The following PDE7A variants were observed in gnomAD, a reference collection of about 807,000 sequenced individuals.
PDE7A encodes the protein high affinity 3',5'-cyclic-AMP phosphodiesterase 7A.
PDE7A carries 39 observed loss-of-function variants against 64.3 expected under a neutral mutation model. The ratio of observed to expected loss-of-function variants is 0.61; its 90% CI spans 0.47 to 0.79. PDE7A has a LOEUF of 0.79. PDE7A is among the 30% of genes least tolerant of loss of function. PDE7A has a pLI of 0.00. For missense variants in PDE7A, 470 were observed against 582.8 expected (o/e 0.81, Z 1.99); for synonymous variants, 203 against 206.8 (o/e 0.98, Z 0.16).
At chr8:65,797,863 A>G (rs1809879798) in intron 1 of PDE7A, among the ~76,000 whole-genome samples, 1 of 151,818 alleles carries the variant, frequency 6.6e-6, no homozygotes, top group Non-Finnish European at 1.5e-5. Flanking sequence ...AAAATTAAAA[A>G]TGAATTATAT....
intron 7 of PDE7A, chr8:65,727,621 C>A: frequency 4.8e-6 from 1 of 207,034 alleles, no homozygotes. Context: ...GAAATAATGG[C>A]TTTAAAATGA....
intron 1 of PDE7A, among the ~76,000 whole-genome samples, chr8:65,834,149 G>C (rs1463373483): frequency 6.6e-6 from 1 of 152,020 alleles, no homozygotes; most frequent in Non-Finnish European, 1.5e-5. Context: ...AAGAAAACTT[G>C]CAAAGCATCA....
chr8:65,759,701 T>C (rs1158275082), intron 3 of PDE7A, among the ~76,000 whole-genome samples: 3 of 152,132 alleles, frequency 2.0e-5, no homozygotes, highest in Admixed American at 6.5e-5. Flanking sequence ...CATTCACCCC[T>C]TTCTTTTAAA....
chr8:65,795,981 T>A (rs1809831926), intron 1 of PDE7A, among the ~76,000 whole-genome samples: 1 of 151,868 alleles, frequency 6.6e-6, no homozygotes, highest in Admixed American at 6.6e-5. Flanking sequence ...GGATCATCTA[T>A]AGCTGAAAAA....
intron 3 of PDE7A, among the ~76,000 whole-genome samples, chr8:65,758,378 A>C (rs10216810): frequency 0.12 from 18,206 of 152,170 alleles, 1,947 homozygotes; most frequent in East Asian, 0.5. Context: ...GGTAAGGGGG[A>C]AAAAATGTTT....
intron 1 of PDE7A, among the ~76,000 whole-genome samples, chr8:65,802,899 A>G (rs1331723330): frequency 2.0e-5 from 3 of 152,114 alleles, no homozygotes; most frequent in Non-Finnish European, 2.9e-5. Context: ...ATAAGTGAGC[A>G]TTCTGGGTTC....
intron 1 of PDE7A, among the ~76,000 whole-genome samples, chr8:65,814,154 G>A (rs538317762): frequency 1.8e-4 from 28 of 152,140 alleles, no homozygotes; most frequent in African/African-American, 6.7e-4. Context: ...CTATTATACT[G>A]ATATAAAGAT....
At chr8:65,822,963 A>ATC (rs1810579328) in intron 1 of PDE7A, among the ~76,000 whole-genome samples, 1 of 152,136 alleles carries the variant, frequency 6.6e-6, no homozygotes, top group Non-Finnish European at 1.5e-5. Flanking sequence ...CTATCTATCT[A>ATC]TATACACAAA....
chr8:65,811,470 G>A (rs1054940592), intron 1 of PDE7A, among the ~76,000 whole-genome samples: 3 of 152,194 alleles, frequency 2.0e-5, no homozygotes, highest in Non-Finnish European at 2.9e-5. Flanking sequence ...CCAACCCAAC[G>A]AGAAGCCAGA....
In PDE7A at chr8:65,782,523, C is replaced by T. The variant is rs80127653; in HGVS notation, c.199+260G>A. ...AAGACTATTTTCTATGAAGAATGTTCAAGATGCAATTCGAAACTGTGTACT... is the reference window on the plus strand; with the variant it reads ...AAGACTATTTTCTATGAAGAATGTTTAAGATGCAATTCGAAACTGTGTACT... On this transcript the variant is annotated intron_variant, in intron 2 of 12. Transcript: ENST00000401827. Among the ~76,000 whole-genome samples, 109 of 152,284 alleles carry T rather than the reference C, an allele frequency of 7.2e-4. No individual in the cohort carries two copies. The East Asian group carries it at 0.019, about 27-fold the overall frequency.
intron 1 of PDE7A, among the ~76,000 whole-genome samples, chr8:65,817,280 C>A (rs780405071): frequency 6.6e-6 from 1 of 152,182 alleles, no homozygotes; most frequent in Non-Finnish European, 1.5e-5. Context: ...TCTTACATAA[C>A]TGTGTTATAC....
chr8:65,748,696 T>A (rs1420398571), intron 3 of PDE7A, among the ~76,000 whole-genome samples: 1 of 152,202 alleles, frequency 6.6e-6, no homozygotes. Context: ...ATCAAACATA[T>A]TCTCTCTTGC....
At chr8:65,740,237 C>A (rs1241506183) in intron 5 of PDE7A, among the ~76,000 whole-genome samples, 1 of 152,108 alleles carries the variant, frequency 6.6e-6, no homozygotes, top group African/African-American at 2.4e-5. Context: ...CAACACTGCC[C>A]AGCAATCATA....
rs2129062420 is a variant in PDE7A at position 65,717,653 on chromosome 8, G to A, written c.*1637C>T. ...TTAGCATTGTGTTTTCCAAAAGATT[G>A]AGTTATAAGGTAAATGTCAAAGATA... On this transcript the variant is annotated 3_prime_UTR_variant, in exon 13 of 13. Coordinates refer to ENST00000401827, the MANE Select transcript of PDE7A (RefSeq NM_001242318.3). 1 of 152,290 alleles carries A rather than the reference G, an allele frequency of 6.6e-6. No homozygotes were observed. The highest frequency in any genetic ancestry group is 1.9e-4 in the East Asian group (1 of 5,186). The allele number at this position is 152,290 out of a possible 1,614,324, so 9.4% of individuals were successfully genotyped here. A position where few individuals can be genotyped will look rare whatever the true frequency, so the allele number is the denominator to read the frequency against.
At chr8:65,762,874 A>G (rs964008246) in intron 3 of PDE7A, among the ~76,000 whole-genome samples, 3 of 152,058 alleles carry the variant, frequency 2.0e-5, no homozygotes, top group South Asian at 2.1e-4. Flanking sequence ...TGGTGGCTCA[A>G]ACCTATAATC....
chr8:65,780,228 T>G (rs937775859), intron 2 of PDE7A, among the ~76,000 whole-genome samples: 1 of 152,218 alleles, frequency 6.6e-6, no homozygotes, highest in South Asian at 2.1e-4. Flanking sequence ...AGAAGCAACA[T>G]ATTTATTAAG....
intron 1 of PDE7A, among the ~76,000 whole-genome samples, chr8:65,801,029 C>T (rs1809973613): frequency 6.6e-6 from 1 of 152,112 alleles, no homozygotes; most frequent in Non-Finnish European, 1.5e-5. Context: ...TAGAGTCGTG[C>T]ACCCCTTTTG....
At chr8:65,835,225 T>C (rs574362421) in intron 1 of PDE7A, among the ~76,000 whole-genome samples, 2 of 152,364 alleles carry the variant, frequency 1.3e-5, no homozygotes, top group East Asian at 3.9e-4. Flanking sequence ...TTGGAGTTTT[T>C]TGTAGTGAAC....
At chr8:65,730,194 TTTTGAGATGGAG>T (rs1806809412) in intron 7 of PDE7A, among the ~76,000 whole-genome samples, 1 of 140,192 alleles carries the variant, frequency 7.1e-6, no homozygotes, top group Non-Finnish European at 1.5e-5. Context: ...TTTTTTTTTT[TTTTGAGATGGAG>T]TTTCGCTCTT....
Sources: gnomAD v4.1 joint callset for allele counts (sites outside exome capture counted in the v4.1 genomes callset) on GRCh38, gnomAD v4.1.1 for gene constraint, MANE v1.5 for transcripts, NCBI Gene and HGNC (gene_info 2026-07-23, HGNC 2026-07-21) for gene names.